PRPF3: variants seen among roughly 807,000 people sequenced by gnomAD.
The protein encoded by PRPF3 is pre-mRNA processing factor 3, also known as U4/U6 small nuclear ribonucleoprotein Prp3.
In PRPF3, 3 loss-of-function variants were observed where a neutral mutation model predicts 89.2. The observed-to-expected ratio is 0.03, with a 90% CI of 0.02 to 0.09. PRPF3 has a LOEUF of 0.09. Ranked by LOEUF, PRPF3 falls within the 10% of genes least tolerant of loss-of-function variation. The probability of loss-of-function intolerance (pLI) is 1.00; values close to 1 mark genes in which losing one functional copy is unlikely to be tolerated. For synonymous variants in PRPF3, 270 were observed against 289.1 expected (o/e 0.93, Z 0.67); for missense variants, 463 against 828.8 (o/e 0.56, Z 5.42).
intron 7 of PRPF3, among the ~76,000 whole-genome samples, chr1:150,336,293 C>T (rs1013555257): frequency 6.6e-6 from 1 of 152,026 alleles, no homozygotes; most frequent in Non-Finnish European, 1.5e-5. Context: ...CTGAGAATCT[C>T]ATGCCACCGA....
At chr1:150,341,105 C>CAAAAAAAAAAAA (rs71086503) in intron 9 of PRPF3, among the ~76,000 whole-genome samples, 1 of 86,736 alleles carries the variant, frequency 1.2e-5, no homozygotes, top group Non-Finnish European at 2.2e-5. Context: ...GACCTTGTCT[C>CAAAAAAAAAAAA]AAAAAAAAAA....
intron 9 of PRPF3, 43 bp from the exon 10 acceptor site, chr1:150,343,266 T>G (rs1232828768): frequency 7.1e-7 from 1 of 1,413,156 alleles, no homozygotes; most frequent in East Asian, 2.7e-5. Flanking sequence ...TATATATATA[T>G]GTATTCTTAC....
chr1:150,333,502 G>A (rs1656640779), intron 6 of PRPF3, among the ~76,000 whole-genome samples: 1 of 152,208 alleles, frequency 6.6e-6, no homozygotes. Flanking sequence ...AGGAGGCAGA[G>A]GTTGCAGTGA....
At chr1:150,322,878 T>TTA in intron 1 of PRPF3, among the ~76,000 whole-genome samples, 1 of 150,438 alleles carries the variant, frequency 6.6e-6, no homozygotes, top group Middle Eastern at 3.4e-3. Context: ...TTAGACACCT[T>TTA]TTTTTTTTTT....
In PRPF3 at chr1:150,353,002, T is replaced by C; in HGVS notation, c.*23T>C. 1 of 1,613,706 alleles carries C rather than the reference T, an allele frequency of 6.2e-7. No individual in the cohort carries two copies. Among genetic ancestry groups the C allele is most frequent in the Non-Finnish European group, 8.5e-7 (1 of 1,179,804 alleles). On this transcript the variant is annotated 3_prime_UTR_variant, in exon 16 of 16. Coordinates refer to ENST00000324862, the MANE Select transcript of PRPF3 (RefSeq NM_004698.4). ...TGAGACTACTGCAAGCCCTTGCCTC[T>C]CCTCCCTTGCCTTTGTCTCTTCAGT... is the stretch of plus-strand genomic sequence containing the variant.
At chr1:150,326,247 C>A (rs1553863714) in intron 3 of PRPF3, among the ~76,000 whole-genome samples, 1 of 152,082 alleles carries the variant, frequency 6.6e-6, no homozygotes, top group East Asian at 1.9e-4. Context: ...GAATGTGACT[C>A]CACTGGTACC....
chr1:150,322,802 G>C (rs1655203059), intron 1 of PRPF3, among the ~76,000 whole-genome samples: 2 of 151,860 alleles, frequency 1.3e-5, no homozygotes, highest in Admixed American at 1.3e-4. Flanking sequence ...CCAGATCTTT[G>C]ATAAGTGGCA....
chr1:150,336,730 T>G (rs183091609), intron 7 of PRPF3, among the ~76,000 whole-genome samples: 1 of 151,960 alleles, frequency 6.6e-6, no homozygotes, highest in Admixed American at 6.6e-5. Context: ...CACTCCAGCA[T>G]GGGCAAAAGA....
intron 11 of PRPF3, 38 bp downstream of exon 11, chr1:150,344,299 T>C (rs1235476535): frequency 6.2e-7 from 1 of 1,613,352 alleles, no homozygotes; most frequent in Admixed American, 1.7e-5. Context: ...CTCGGGCAAG[T>C]ACCTTTCCCA....
Position 150,344,503 on chromosome 1 carries a change from G to C in PRPF3, c.1596G>C (p.Lys532Asn), listed in dbSNP as rs1382055873. The C allele has an allele frequency of 1.2e-6, 2 of 1,614,026 alleles. No homozygotes were observed. Among genetic ancestry groups the C allele is most frequent in the African/African-American group, 1.3e-5 (1 of 74,908 alleles). ...AGAGAAAGGTCAAGAAAATTAAAAA[G>C]CTTAAAGAAGACATTTCACAGGGGG... ...AEQRKVKKIK[K>N]LKEDISQGVH... is the part of the protein sequence containing the mutation. The change falls in exon 12 of 16, where the codon AAG becomes AAC. Residue 532 changes from lysine (K) to asparagine (N), a missense_variant. Lys to Asn is a moderately conservative substitution (Grantham distance 94). Coordinates refer to ENST00000324862, the MANE Select transcript of PRPF3 (RefSeq NM_004698.4).
chr1:150,338,730 G>C (rs1229394747), intron 8 of PRPF3, among the ~76,000 whole-genome samples: 2 of 152,114 alleles, frequency 1.3e-5, no homozygotes, highest in Non-Finnish European at 2.9e-5. Context: ...GGCCAGGCTG[G>C]TCTCGAACTC....
At chr1:150,329,187 G>A (rs1216154575) in intron 4 of PRPF3, among the ~76,000 whole-genome samples, 5 of 151,760 alleles carry the variant, frequency 3.3e-5, no homozygotes, top group African/African-American at 4.8e-5. Context: ...ACACCACTAC[G>A]CCTGGCTAAT....
intron 8 of PRPF3, among the ~76,000 whole-genome samples, chr1:150,340,044 G>A (rs1657524294): frequency 6.6e-6 from 1 of 152,086 alleles, no homozygotes; most frequent in African/African-American, 2.4e-5. Context: ...TCTGATACAT[G>A]GCTTTAGTAG....
At chr1:150,321,985 G>A (rs1468010545) in intron 1 of PRPF3, among the ~76,000 whole-genome samples, 1 of 152,092 alleles carries the variant, frequency 6.6e-6, no homozygotes, top group African/African-American at 2.4e-5. Flanking sequence ...CCTGCTCATT[G>A]AGAGGAGAGA....
Position 150,332,758 on chromosome 1 carries a change from T to A in PRPF3, c.498T>A (p.Pro166=), listed in dbSNP as rs145528866. The part of the protein sequence containing the change: ...RKKQLSFISP[P]TPQPKTPSSS... ...AACAGCTGAGCTTCATTAGCCCCCC[T>A]ACACCTCAGGTATTGTGTCTAGATT... is the stretch of plus-strand genomic sequence containing the variant. The change falls in exon 5 of 16, where the codon CCT becomes CCA. Residue 166 remains proline (P), a synonymous_variant. Transcript: ENST00000324862. The A allele has an allele frequency of 9.1e-5, 147 of 1,614,030 alleles. 1 individual carries two copies. The African/African-American group carries it at 1.7e-3, about 18-fold the overall frequency.
Position 150,353,008 on chromosome 1 carries a change from C to T in PRPF3, c.*29C>T, listed in dbSNP as rs782311560. 5.0e-6 allele frequency: 8 copies of T among 1,613,562 alleles called. No individual in the cohort carries two copies. In the South Asian group the frequency reaches 5.5e-5, roughly 11 times the overall value. ...TACTGCAAGCCCTTGCCTCTCCTCC[C>T]TTGCCTTTGTCTCTTCAGTCCTCTC... is the stretch of plus-strand genomic sequence containing the variant. On this transcript the variant is annotated 3_prime_UTR_variant, in exon 16 of 16. Transcript: ENST00000324862.
rs1413694042 is a variant in PRPF3, at chr1:150,346,099, A to G, written c.1722A>G (p.Val574=). The change falls in exon 13 of 16, where the codon GTA becomes GTG. Residue 574 remains valine (V), a synonymous_variant. Coordinates refer to ENST00000324862, the MANE Select transcript of PRPF3 (RefSeq NM_004698.4). Reference sequence around the variant, plus strand: ...AACTGTACCTGACAGGGGTGGTGGTACTGCACAAGGATGTCAACGTGGTAG... The same window carrying G: ...AACTGTACCTGACAGGGGTGGTGGTGCTGCACAAGGATGTCAACGTGGTAG... The part of the protein sequence containing the change: ...AGQLYLTGVV[V]LHKDVNVVVV... 2.5e-6 allele frequency: 4 copies of G among 1,614,094 alleles called. No homozygotes were observed. The highest frequency in any genetic ancestry group is 3.4e-6 in the Non-Finnish European group (4 of 1,180,040).
chr1:150,339,549 G>A (rs922959434), intron 8 of PRPF3, among the ~76,000 whole-genome samples: 1 of 151,046 alleles, frequency 6.6e-6, no homozygotes, highest in East Asian at 2.0e-4. Context: ...TGATTCTCCT[G>A]CCTCAGCCTC....
In PRPF3 at chr1:150,323,381, C is replaced by T. The variant is rs587727198; in HGVS notation, c.-48-1514C>T. Reference sequence around the variant, plus strand: ...TAGTAGAGACAGGTGCAGTGGGTCACGCCTGTAATCCCAGAACTTTCGGAG... The same window carrying T: ...TAGTAGAGACAGGTGCAGTGGGTCATGCCTGTAATCCCAGAACTTTCGGAG... On this transcript the variant is annotated intron_variant, in intron 1 of 15. Coordinates refer to ENST00000324862, the MANE Select transcript of PRPF3 (RefSeq NM_004698.4). Among the ~76,000 whole-genome samples, 5 of 151,780 alleles carry T rather than the reference C, an allele frequency of 3.3e-5. No individual in the cohort carries two copies. The East Asian group carries it at 5.9e-4, about 18-fold the overall frequency.
Sources: gnomAD v4.1 joint callset for allele counts (sites outside exome capture counted in the v4.1 genomes callset) on GRCh38, gnomAD v4.1.1 for gene constraint, MANE v1.5 for transcripts, NCBI Gene and HGNC (gene_info 2026-07-23, HGNC 2026-07-21) for gene names.